Variants in KCNH7 observed in about 807,000 individuals in gnomAD.
The protein encoded by KCNH7 is potassium voltage-gated channel subfamily H member 7.
KCNH7 carries 49 observed loss-of-function variants against 120.8 expected under a neutral mutation model. That is an observed-to-expected ratio of 0.41 (90% CI 0.32 to 0.51). KCNH7 has a LOEUF of 0.51. Ranked by LOEUF, KCNH7 falls within the 20% of genes least tolerant of loss-of-function variation. The pLI is 0.38. For missense variants in KCNH7, 1,097 were observed against 1,446.6 expected (o/e 0.76, Z 3.92); for synonymous variants, 547 against 516.1 (o/e 1.06, Z -0.81).
chr2:162,492,809 T>A (rs1690352638), intron 6 of KCNH7, among the ~76,000 whole-genome samples: 2 of 149,360 alleles, frequency 1.3e-5, no homozygotes, highest in South Asian at 4.3e-4. Flanking sequence ...TAAAAATGGA[T>A]CTCCAAGCTA....
At chr2:162,809,146 A>C (rs533726936) in intron 2 of KCNH7, among the ~76,000 whole-genome samples, 106 of 152,354 alleles carry the variant, frequency 7.0e-4, no homozygotes, top group Admixed American at 2.1e-3. Flanking sequence ...ACAACATAAC[A>C]TTAAATATAT....
At chr2:162,618,639 ATT>A (rs1266749404) in intron 2 of KCNH7, among the ~76,000 whole-genome samples, 1 of 152,076 alleles carries the variant, frequency 6.6e-6, no homozygotes, top group Non-Finnish European at 1.5e-5. Context: ...TTTGTGTCTT[ATT>A]TTTCATTACT....
intron 3 of KCNH7, among the ~76,000 whole-genome samples, chr2:162,532,561 AC>A (rs748836238): frequency 1.3e-5 from 2 of 151,954 alleles, no homozygotes; most frequent in Non-Finnish European, 2.9e-5. Context: ...TGTCATATCT[AC>A]CTAGGCTGTC....
intron 6 of KCNH7, among the ~76,000 whole-genome samples, chr2:162,473,837 G>A (rs1689647396): frequency 6.6e-6 from 1 of 152,182 alleles, no homozygotes; most frequent in Admixed American, 6.5e-5. Flanking sequence ...TTAAGTATGT[G>A]CATTTGTGTG....
intron 2 of KCNH7, among the ~76,000 whole-genome samples, chr2:162,771,505 T>G: frequency 6.6e-6 from 1 of 152,104 alleles, no homozygotes; most frequent in East Asian, 1.9e-4. Context: ...CTCTGAAGTT[T>G]ACATTTGGAT....
At chr2:162,759,947 G>A (rs1688911918) in intron 2 of KCNH7, among the ~76,000 whole-genome samples, 1 of 151,940 alleles carries the variant, frequency 6.6e-6, no homozygotes, top group African/African-American at 2.4e-5. Context: ...AAGATACAAA[G>A]TCCTGAAGAA....
chr2:162,724,671 C>A (rs78324898), intron 2 of KCNH7, among the ~76,000 whole-genome samples: 96 of 123,876 alleles, frequency 7.7e-4, no homozygotes, highest in East Asian at 2.4e-3. Context: ...GACTCCGTCT[C>A]AAAAAAAAAA....
intron 2 of KCNH7, among the ~76,000 whole-genome samples, chr2:162,550,794 C>T (rs1443336273): frequency 6.6e-6 from 1 of 151,578 alleles, no homozygotes; most frequent in Non-Finnish European, 1.5e-5. Context: ...AGCAGGCATT[C>T]CGTATTTAAA....
At position 162,750,339 on chromosome 2, in the gene KCNH7, A is replaced by C. The variant is rs1688495049; in HGVS notation, c.307+86198T>G. ...AGAGAAGAAAAAAATCATGGGAGCAAAAATTTAAAAAATAAAAAAAACTGG... is the reference window on the plus strand; with the variant it reads ...AGAGAAGAAAAAAATCATGGGAGCACAAATTTAAAAAATAAAAAAAACTGG... On this transcript the variant is annotated intron_variant, in intron 2 of 15. Coordinates refer to ENST00000332142, the MANE Select transcript of KCNH7 (RefSeq NM_033272.4). 2.0e-5 allele frequency among the ~76,000 whole-genome samples: 3 copies of C among 152,168 alleles called. No individual in the cohort carries two copies. The South Asian group carries it at 6.2e-4, about 32-fold the overall frequency.
intron 2 of KCNH7, among the ~76,000 whole-genome samples, chr2:162,764,534 C>T (rs1689081298): frequency 6.6e-6 from 1 of 151,956 alleles, no homozygotes; most frequent in South Asian, 2.1e-4. Flanking sequence ...TACATAAATC[C>T]TCTTTAAAAT....
intron 6 of KCNH7, among the ~76,000 whole-genome samples, chr2:162,458,244 CT>C (rs1169689644): frequency 6.6e-6 from 1 of 151,916 alleles, no homozygotes; most frequent in African/African-American, 2.4e-5. Context: ...TGAAAAATAT[CT>C]GCTTCATAAA....
At chr2:162,787,844 C>G (rs143221865) in intron 2 of KCNH7, among the ~76,000 whole-genome samples, 1 of 152,132 alleles carries the variant, frequency 6.6e-6, no homozygotes, top group African/African-American at 2.4e-5. Flanking sequence ...TCCAGGCCTA[C>G]TCCAGTGAAC....
In KCNH7 at chr2:162,511,648, C is replaced by A. The variant is rs185674629; in HGVS notation, c.913+1006G>T. ...TTTCAAATTTCCCTAGGTTGCTGAC[C>A]AAACATTTTTGCTCCCTAGCGCTAT... On this transcript the variant is annotated intron_variant, in intron 5 of 15. Coordinates refer to ENST00000332142, the MANE Select transcript of KCNH7 (RefSeq NM_033272.4). Among the ~76,000 whole-genome samples, 751 of 151,696 alleles carry A rather than the reference C, an allele frequency of 5.0e-3. 6 individuals are homozygous for A. The highest frequency in any genetic ancestry group is 6.0e-3 in the Non-Finnish European group (406 of 67,756).
intron 6 of KCNH7, among the ~76,000 whole-genome samples, chr2:162,451,005 G>C (rs888169465): frequency 2.6e-5 from 4 of 151,944 alleles, no homozygotes; most frequent in Non-Finnish European, 5.9e-5. Flanking sequence ...AATCTTATTA[G>C]ACCCAATCAG....
At chr2:162,491,881 A>G (rs559834632) in intron 6 of KCNH7, among the ~76,000 whole-genome samples, 72 of 152,154 alleles carry the variant, frequency 4.7e-4, no homozygotes, top group South Asian at 1.7e-3. Flanking sequence ...TCCTTTGGGG[A>G]AAAAAAGCCT....
At chr2:162,734,004 A>G (rs1687816719) in intron 2 of KCNH7, among the ~76,000 whole-genome samples, 1 of 152,194 alleles carries the variant, frequency 6.6e-6, no homozygotes. Context: ...TTTTCAAATA[A>G]GTAAATTGAG....
At chr2:162,787,371 T>G (rs115820198) in intron 2 of KCNH7, among the ~76,000 whole-genome samples, 1 of 151,970 alleles carries the variant, frequency 6.6e-6, no homozygotes, top group Non-Finnish European at 1.5e-5. Context: ...CCCACTCCAG[T>G]GCAACACCAG....
At chr2:162,447,203 GATTTATTCTCCTT>G (rs1688609887) in intron 6 of KCNH7, among the ~76,000 whole-genome samples, 1 of 151,996 alleles carries the variant, frequency 6.6e-6, no homozygotes, top group Non-Finnish European at 1.5e-5. Context: ...TCACCTCCAA[GATTTATTCTCCTT>G]ATAAGGCATC....
At chr2:162,602,653 C>T (rs774162141) in intron 2 of KCNH7, among the ~76,000 whole-genome samples, 23 of 151,994 alleles carry the variant, frequency 1.5e-4, no homozygotes, top group Admixed American at 2.6e-4. Context: ...ACCTCCCTAA[C>T]GACTTTATCT....
Sources: allele counts gnomAD v4.1 joint callset (sites outside exome capture counted in the v4.1 genomes callset), GRCh38; gene constraint gnomAD v4.1.1; transcripts MANE v1.5; gene names NCBI Gene and HGNC (gene_info 2026-07-23, HGNC 2026-07-21).